Variants in SLC35F4 observed in about 807,000 individuals in gnomAD.
SLC35F4 encodes solute carrier family 35 member F4.
Under a neutral mutation model 44.2 loss-of-function variants are expected in SLC35F4, and 24 were observed. The ratio of observed to expected loss-of-function variants is 0.54; its 90% CI spans 0.39 to 0.76. SLC35F4 has a LOEUF of 0.76. Among genes scored for constraint, SLC35F4 ranks in the 30% least tolerant of loss-of-function variants. The pLI is 0.00. For missense variants in SLC35F4, 562 were observed against 586.1 expected (o/e 0.96, Z 0.42); for synonymous variants, 238 against 223.6 (o/e 1.06, Z -0.57).
intron 1 of SLC35F4, among the ~76,000 whole-genome samples, chr14:57,738,722 C>T (rs2076526418): frequency 7.6e-6 from 1 of 132,052 alleles, no homozygotes; most frequent in South Asian, 2.3e-4. Flanking sequence ...CCATAGAAAG[C>T]CTTTATTTCA....
intron 1 of SLC35F4, among the ~76,000 whole-genome samples, chr14:57,840,278 G>C (rs1383205037): frequency 1.3e-5 from 2 of 152,148 alleles, no homozygotes; most frequent in Non-Finnish European, 2.9e-5. Context: ...CTGAATATTT[G>C]AGTGCCACCT....
intron 1 of SLC35F4, among the ~76,000 whole-genome samples, chr14:57,934,318 C>T (rs962613974): frequency 3.4e-5 from 5 of 149,024 alleles, no homozygotes; most frequent in African/African-American, 1.2e-4. Flanking sequence ...AATTATGAAA[C>T]ATTAACCTCT....
In SLC35F4 at chr14:57,581,438, G is replaced by T. The variant is rs1431337803; in HGVS notation, c.588-5C>A. The stretch of plus-strand genomic sequence containing the variant: ...CCAAAAATCCGACTGCATTCCCTAG[G>T]AAAGAAAAGAGAAGTTAATATCCAG... On this transcript the variant is annotated splice_region_variant and splice_polypyrimidine_tract_variant and intron_variant, in intron 3 of 7. Coordinates refer to ENST00000556826, the MANE Select transcript of SLC35F4 (RefSeq NM_001306087.2). 6.2e-7 allele frequency: 1 copy of T among 1,601,938 alleles called. No individual in the cohort carries two copies. Among genetic ancestry groups the T allele is most frequent in the East Asian group, 2.2e-5 (1 of 44,628 alleles).
chr14:57,580,851 G>T, intron 4 of SLC35F4: 1 of 174,162 alleles, frequency 5.7e-6, no homozygotes, highest in Non-Finnish European at 1.2e-5. Flanking sequence ...TATGTTGATT[G>T]AAAAATGCAA....
intron 1 of SLC35F4, among the ~76,000 whole-genome samples, chr14:57,959,219 G>A (rs1890298353): frequency 6.6e-6 from 1 of 152,078 alleles, no homozygotes; most frequent in South Asian, 2.1e-4. Context: ...GTATAAAAAA[G>A]CAGGTTTTTT....
intron 1 of SLC35F4, among the ~76,000 whole-genome samples, chr14:57,967,058 T>C (rs1880893562): frequency 6.6e-6 from 1 of 151,794 alleles, no homozygotes. Context: ...TTAGCAGCAA[T>C]CTGAATTATT....
intron 1 of SLC35F4, among the ~76,000 whole-genome samples, chr14:57,615,485 A>G (rs1384389084): frequency 1.3e-5 from 2 of 152,188 alleles, no homozygotes; most frequent in Admixed American, 1.3e-4. Context: ...TTGCCAAAGG[A>G]CATAGTTTTA....
chr14:57,856,383 T>C (rs370935895), intron 1 of SLC35F4, among the ~76,000 whole-genome samples: 12 of 152,158 alleles, frequency 7.9e-5, no homozygotes, highest in African/African-American at 2.7e-4. Context: ...TTGCCAAAGT[T>C]TGTGGTCTTT....
chr14:57,864,987 G>T (rs144611795), intron 1 of SLC35F4, among the ~76,000 whole-genome samples: 2 of 152,006 alleles, frequency 1.3e-5, no homozygotes, highest in African/African-American at 4.8e-5. Flanking sequence ...GCATGACCTC[G>T]CTTAGCTGGA....
At chr14:57,710,430 G>A (rs2075788864) in intron 1 of SLC35F4, among the ~76,000 whole-genome samples, 1 of 152,074 alleles carries the variant, frequency 6.6e-6, no homozygotes, top group African/African-American at 2.4e-5. Flanking sequence ...GAAATGTGGG[G>A]ATGGAGCCCC....
At chr14:57,632,689 T>G (rs2072841374) in intron 1 of SLC35F4, among the ~76,000 whole-genome samples, 2 of 152,094 alleles carry the variant, frequency 1.3e-5, no homozygotes, top group African/African-American at 4.8e-5. Context: ...GGTTCACTCT[T>G]GGTGTCATAC....
chr14:57,702,872 G>A (rs910738918), intron 1 of SLC35F4, among the ~76,000 whole-genome samples: 8 of 152,176 alleles, frequency 5.3e-5, no homozygotes, highest in African/African-American at 1.9e-4. Flanking sequence ...AATAAAGGCA[G>A]TGGACAGTGG....
At chr14:57,730,280 T>C (rs1416556605) in intron 1 of SLC35F4, among the ~76,000 whole-genome samples, 1 of 152,192 alleles carries the variant, frequency 6.6e-6, no homozygotes. Context: ...TATGTAGGCT[T>C]CTATTCCACC....
rs2078133794 is a variant in SLC35F4, at chr14:57,799,435, G to C, written c.103+66288C>G. 3 of 152,394 alleles carry C rather than the reference G, an allele frequency of 2.0e-5. No individual in the cohort carries two copies. In the South Asian group the frequency reaches 6.2e-4, roughly 32 times the overall value. The allele number at this position is 152,394 out of a possible 1,614,324, so 9.4% of individuals were successfully genotyped here. A position where few individuals can be genotyped will look rare whatever the true frequency, so the allele number is the denominator to read the frequency against. On this transcript the variant is annotated intron_variant, in intron 1 of 7. Coordinates refer to ENST00000556826, the MANE Select transcript of SLC35F4 (RefSeq NM_001306087.2). ...ACCTGTTCTGGCCCCGGGATTCCCA[G>C]CGAGGTGGCAGATCCGTCTGTACAT...
chr14:57,644,311 T>C (rs1016998034), intron 1 of SLC35F4, among the ~76,000 whole-genome samples: 110 of 152,344 alleles, frequency 7.2e-4, no homozygotes, highest in Admixed American at 3.0e-3. Context: ...ATTGCCATTC[T>C]AACTAGTGTG....
chr14:57,658,930 G>T (rs1007214027), intron 1 of SLC35F4, among the ~76,000 whole-genome samples: 1 of 152,108 alleles, frequency 6.6e-6, no homozygotes, highest in African/African-American at 2.4e-5. Flanking sequence ...CCTTCGAGTA[G>T]GAAGAAGTCA....
intron 1 of SLC35F4, among the ~76,000 whole-genome samples, chr14:57,937,064 CTTTTT>C (rs11458039): frequency 6.9e-6 from 1 of 144,218 alleles, no homozygotes; most frequent in African/African-American, 2.6e-5. Flanking sequence ...ATTTTACCTG[CTTTTT>C]TTTTTTTTTC....
At chr14:57,743,645 T>A (rs1272530229) in intron 1 of SLC35F4, among the ~76,000 whole-genome samples, 1 of 152,070 alleles carries the variant, frequency 6.6e-6, no homozygotes, top group Non-Finnish European at 1.5e-5. Context: ...CTACCAGAGG[T>A]ACAAAGAGGA....
chr14:57,824,422 T>C (rs1358379491), intron 1 of SLC35F4, among the ~76,000 whole-genome samples: 2 of 152,154 alleles, frequency 1.3e-5, no homozygotes, highest in Non-Finnish European at 2.9e-5. Context: ...GATAGATAGA[T>C]ACATACATAC....
Sources: gnomAD v4.1 joint callset for allele counts (sites outside exome capture counted in the v4.1 genomes callset) on GRCh38, gnomAD v4.1.1 for gene constraint, MANE v1.5 for transcripts, NCBI Gene and HGNC (gene_info 2026-07-23, HGNC 2026-07-21) for gene names.